Variants in ZNF671 observed in about 807,000 individuals in gnomAD.
ZNF671 encodes hypothetical protein FLJ23506.
Under a neutral mutation model 16.6 loss-of-function variants are expected in ZNF671, and 19 were observed. That is an observed-to-expected ratio of 1.14 (90% CI 0.80 to 1.68). The LOEUF is 1.68. Among genes scored for constraint, ZNF671 ranks in the 40% most tolerant of loss-of-function variants. The pLI, the probability that ZNF671 is intolerant of heterozygous loss-of-function variation, is 0.00. For synonymous variants in ZNF671, 238 were observed against 236.3 expected, an observed-to-expected ratio of 1.01 and a Z score of -0.06; for missense variants, 637 against 659.8, an observed-to-expected ratio of 0.97 and a Z score of 0.38.
intron 1 of ZNF671, 44 bp downstream of exon 1, chr19:57,727,347 G>C: frequency 6.4e-7 from 1 of 1,559,220 alleles, no homozygotes; most frequent in Non-Finnish European, 8.7e-7. Flanking sequence ...ACGATTCGGA[G>C]TCGGAGAAAG....
At chr19:57,722,747 T>C (rs180816559) in intron 2 of ZNF671, among the ~76,000 whole-genome samples, 4 of 152,042 alleles carry the variant, frequency 2.6e-5, no homozygotes, top group Admixed American at 2.0e-4. Context: ...ACAGAAAAAT[T>C]AGCTGGGCGT....
intron 2 of ZNF671, among the ~76,000 whole-genome samples, 173 bp from the exon 3 acceptor site, chr19:57,722,611 G>T (rs138493734): frequency 6.6e-6 from 1 of 152,148 alleles, no homozygotes; most frequent in Non-Finnish European, 1.5e-5. Flanking sequence ...GGCCCTAGAA[G>T]ATGTCACCTG....
intron 2 of ZNF671, 48 bp from the exon 3 acceptor site, chr19:57,722,486 A>C (rs778323147): frequency 6.2e-7 from 1 of 1,606,892 alleles, no homozygotes; most frequent in Non-Finnish European, 8.5e-7. Flanking sequence ...GCCCATGGCA[A>C]ACCACCCTAT....
rs766592424 is a variant in ZNF671 at position 57,720,552 on chromosome 19, A to T, written c.1534T>A (p.Cys512Ser). The T allele has an allele frequency of 5.0e-6, 8 of 1,614,132 alleles. No individual in the cohort carries two copies. Among genetic ancestry groups the T allele is most frequent in the Non-Finnish European group, 5.9e-6 (7 of 1,180,016 alleles). ...TGERPYVCSE[C>S]GREFIRKQTL... Reference sequence around the variant, plus strand: ...TGTTTCCGGATGAATTCTCTCCCGCACTCACTACACACATAAGGCCTTTCC... The same window carrying T: ...TGTTTCCGGATGAATTCTCTCCCGCTCTCACTACACACATAAGGCCTTTCC... The change falls in exon 4 of 4, where the codon TGC (cysteine) becomes AGC (serine). Residue 512 changes from cysteine to serine, a missense_variant. By Grantham distance (112) the Cys-to-Ser change is moderately radical. Coordinates refer to ENST00000317398, the MANE Select transcript of ZNF671 (RefSeq NM_024833.3).
At chr19:57,723,413 A>G (rs1425382862) in intron 1 of ZNF671, 73 bp from the exon 2 acceptor site, 4 of 1,511,820 alleles carry the variant, frequency 2.6e-6, no homozygotes, top group African/African-American at 2.8e-5. Context: ...TACCCACAAC[A>G]TCCTGCTAAC....
Position 57,720,159 on chromosome 19 carries a change from A to T in ZNF671, c.*322T>A, listed in dbSNP as rs986529116. 3.0e-6 allele frequency: 1 copy of T among 330,518 alleles called. No individual in the cohort carries two copies. Among genetic ancestry groups the T allele is most frequent in the Admixed American group, 4.3e-5 (1 of 23,362 alleles). The allele number at this position is 330,518 out of a possible 1,614,324, so 20.5% of individuals were successfully genotyped here. A position where few individuals can be genotyped will look rare whatever the true frequency, so the allele number is the denominator to read the frequency against. ...AAAGTGCAACACAGCTGCTGAAAGC[A>T]TCTCACATACTTGACACTCACAGGG... is the stretch of plus-strand genomic sequence containing the variant. On this transcript the variant is annotated 3_prime_UTR_variant, in exon 4 of 4. Transcript: ENST00000317398.
Position 57,727,460 on chromosome 19 carries a change from C to T in ZNF671, c.69G>A (p.Ser23=). The T allele has an allele frequency of 1.9e-6, 3 of 1,612,876 alleles. No individual in the cohort carries two copies. The highest frequency in any genetic ancestry group is 2.5e-6 in the Non-Finnish European group (3 of 1,179,652). Residue 23 remains serine (S), a synonymous_variant, in exon 1 of 4, where the codon TCG becomes TCA. Transcript: ENST00000317398. ...LQGRKCLRPR[S]RRLPLPAAVR... ...CAGCTGCCGGGAGCGGCAGGCGTCT[C>T]GATCGGGGACGCAGGCACTTCCGTC...
At position 57,721,684 on chromosome 19, in the gene ZNF671, T is replaced by C. The variant is rs1985883178; in HGVS notation, c.402A>G (p.Gly134=). 1.9e-6 allele frequency: 3 copies of C among 1,611,944 alleles called. No individual in the cohort carries two copies. The highest frequency in any genetic ancestry group is 1.7e-4 in the Middle Eastern group (1 of 6,058). ...QRGLRPGCWH[G]VEDEEVSSEQ... Reference sequence around the variant, plus strand: ...CAGAAGATACCTCTTCATCCTCCACTCCATGCCAACAACCTGAAGAACACA... The same window carrying C: ...CAGAAGATACCTCTTCATCCTCCACCCCATGCCAACAACCTGAAGAACACA... The change falls in exon 4 of 4, where the codon GGA becomes GGG. Residue 134 remains glycine, a synonymous_variant. Coordinates refer to ENST00000317398, the MANE Select transcript of ZNF671 (RefSeq NM_024833.3).
Position 57,722,380 on chromosome 19 carries a change from C to A in ZNF671, c.324G>T (p.Trp108Cys). ...VMKLERGEEP[W>C]VYDQVDMTSA... ...AAGTCATATCCACCTGGTCATACAC[C>A]CAGGGCTCTTCTCCTCGCTCTAGTT... Residue 108 changes from tryptophan (W) to cysteine (C), a missense_variant, in exon 3 of 4, where the codon TGG becomes TGT. Transcript: ENST00000317398. The A allele has an allele frequency of 1.2e-6, 2 of 1,614,144 alleles. No homozygotes were observed. Among genetic ancestry groups the A allele is most frequent in the Non-Finnish European group, 1.7e-6 (2 of 1,180,030 alleles).
intron 1 of ZNF671, among the ~76,000 whole-genome samples, chr19:57,725,933 C>CA (rs138862625): frequency 6.7e-5 from 10 of 148,928 alleles, no homozygotes; most frequent in East Asian, 2.0e-4. Flanking sequence ...GACTCGTCTC[C>CA]AAAAAAAAAA....
intron 3 of ZNF671, 157 bp downstream of exon 3, chr19:57,722,159 A>T: frequency 7.9e-7 from 1 of 1,263,012 alleles, no homozygotes; most frequent in Non-Finnish European, 1.1e-6. Context: ...AGGGGCTAAC[A>T]AACTAGAAAT....
In ZNF671 at chr19:57,721,590, A is replaced by G; in HGVS notation, c.496T>C (p.Cys166Arg). 2 of 1,614,184 alleles carry G rather than the reference A, an allele frequency of 1.2e-6. No homozygotes were observed. Among genetic ancestry groups the G allele is most frequent in the South Asian group, 1.1e-5 (1 of 91,088 alleles). Residue 166 changes from cysteine (C) to arginine (R), a missense_variant, in exon 4 of 4, where the codon TGT becomes CGT. Cys to Arg is a radical substitution (Grantham distance 180, BLOSUM62 -3). Coordinates refer to ENST00000317398, the MANE Select transcript of ZNF671 (RefSeq NM_024833.3). ...TLMAELESHP[C>R]DICGPILKDT... The stretch of plus-strand genomic sequence containing the variant: ...TTCAATATTGGGCCACATATGTCAC[A>G]TGGGTGAGACTCCAGCTCTGCCATG...
At chr19:57,726,907 C>T (rs2122473939) in intron 1 of ZNF671, 1 of 155,290 alleles carries the variant, frequency 6.4e-6, no homozygotes, top group Non-Finnish European at 1.4e-5. Flanking sequence ...TACCCACTCA[C>T]CTGCCATTAC....
rs771872199 is a variant in ZNF671 at position 57,722,421 on chromosome 19, A to C, written c.283T>G (p.Ser95Ala). 1.2e-6 allele frequency: 2 copies of C among 1,613,916 alleles called. No individual in the cohort carries two copies. Among genetic ancestry groups the C allele is most frequent in the Non-Finnish European group, 1.7e-6 (2 of 1,180,010 alleles). ...CGCTCTAGTTTCATGACTGCACGTGATCTGGAAAATGCAATTCCTAAGGGA... is the reference window on the plus strand; with the variant it reads ...CGCTCTAGTTTCATGACTGCACGTGCTCTGGAAAATGCAATTCCTAAGGGA... ...LASLGIAFSR[S>A]RAVMKLERGE... Residue 95 changes from serine to alanine, a missense_variant, in exon 3 of 4, where the codon TCA (serine) becomes GCA (alanine). By Grantham distance (99) the Ser-to-Ala change is moderately conservative (BLOSUM62 1). Coordinates refer to ENST00000317398, the MANE Select transcript of ZNF671 (RefSeq NM_024833.3).
At chr19:57,721,875 C>A (rs1600050730) in intron 3 of ZNF671, 178 bp from the exon 4 acceptor site, 2 of 841,954 alleles carry the variant, frequency 2.4e-6, no homozygotes, top group Admixed American at 2.9e-5. Context: ...GAGGTCATAC[C>A]ATGGGGGAGT....
At chr19:57,723,521 C>T (rs570428380) in intron 1 of ZNF671, among the ~76,000 whole-genome samples, 181 bp from the exon 2 acceptor site, 1 of 152,270 alleles carries the variant, frequency 6.6e-6, no homozygotes, top group African/African-American at 2.4e-5. Flanking sequence ...CAGCCCACCA[C>T]AACAACAGAC....
In ZNF671 at chr19:57,721,500, C is replaced by T. The variant is rs770378684; in HGVS notation, c.586G>A (p.Ala196Thr). Residue 196 changes from alanine (A) to threonine (T), a missense_variant, in exon 4 of 4, where the codon GCA (alanine) becomes ACA (threonine). Coordinates refer to ENST00000317398, the MANE Select transcript of ZNF671 (RefSeq NM_024833.3). ...CTGAACCAGAATTGCTTTCCACATGCCCCACACAAGTATGGTTTCTGCCTG... is the reference window on the plus strand; with the variant it reads ...CTGAACCAGAATTGCTTTCCACATGTCCCACACAAGTATGGTTTCTGCCTG... Reference protein sequence around the residue: ...KARQKPYLCGACGKQFWFSTD... With the variant: ...KARQKPYLCGTCGKQFWFSTD... 3.1e-6 allele frequency: 5 copies of T among 1,614,102 alleles called. No homozygotes were observed. Among genetic ancestry groups the T allele is most frequent in the Non-Finnish European group, 3.4e-6 (4 of 1,180,052 alleles).
At position 57,721,397 on chromosome 19, in the gene ZNF671, T is replaced by C. The variant is rs1350012730; in HGVS notation, c.689A>G (p.Lys230Arg). ...FPRKEGRDSV[K>R]SCRVHVPEKT... Reference sequence around the variant, plus strand: ...CTCTGGCACATGGACTCTGCAGCTTTTCACAGAGTCTCTGCCCTCCTTCCT... The same window carrying C: ...CTCTGGCACATGGACTCTGCAGCTTCTCACAGAGTCTCTGCCCTCCTTCCT... Residue 230 changes from lysine (K) to arginine (R), a missense_variant, in exon 4 of 4, where the codon AAA becomes AGA. Physicochemically the swap from Lys to Arg is conservative, Grantham distance 26. Coordinates refer to ENST00000317398, the MANE Select transcript of ZNF671 (RefSeq NM_024833.3). 1.2e-6 allele frequency: 2 copies of C among 1,614,238 alleles called. No homozygotes were observed. Among genetic ancestry groups the C allele is most frequent in the South Asian group, 2.2e-5 (2 of 91,084 alleles).
rs753400550 is a variant in ZNF671 at position 57,720,734 on chromosome 19, T to A, written c.1352A>T (p.Tyr451Phe). ...AGCTTTACCACATCTGCTACACTCA[T>A]AATCACTGCTGTGAATTCTCCAGTG... Reference protein sequence around the residue: ...NVHWRIHSSDYECSRCGKAFS... With the variant: ...NVHWRIHSSDFECSRCGKAFS... The change falls in exon 4 of 4, where the codon TAT (tyrosine) becomes TTT (phenylalanine). Residue 451 changes from tyrosine to phenylalanine, a missense_variant. Coordinates refer to ENST00000317398, the MANE Select transcript of ZNF671 (RefSeq NM_024833.3). The A allele has an allele frequency of 2.9e-5, 47 of 1,614,128 alleles. No individual in the cohort carries two copies. The highest frequency in any genetic ancestry group is 3.8e-5 in the Non-Finnish European group (45 of 1,180,058).
Sources: allele counts gnomAD v4.1 joint callset (sites outside exome capture counted in the v4.1 genomes callset), GRCh38; gene constraint gnomAD v4.1.1; transcripts MANE v1.5; gene names NCBI Gene and HGNC (gene_info 2026-07-23, HGNC 2026-07-21).